The following NLRP4 variants were observed in gnomAD, a reference collection of about 807,000 sequenced individuals.
NLRP4 encodes the protein NACHT, LRR and PYD domains-containing protein 4.
Under a neutral mutation model 84.7 loss-of-function variants are expected in NLRP4, and 44 were observed. That is an observed-to-expected ratio of 0.52 (90% confidence interval 0.41 to 0.67). NLRP4 has a LOEUF of 0.67. NLRP4 is among the 30% of genes least tolerant of loss of function. The pLI is 0.00. For synonymous variants in NLRP4, 544 were observed against 476.4 expected (o/e 1.14, Z -1.85); for missense variants, 1,260 against 1,219.4 (o/e 1.03, Z -0.50).
At chr19:55,877,278 G>A (rs1985410828) in intron 8 of NLRP4, 112 bp downstream of exon 8, 1 of 972,736 alleles carries the variant, frequency 1.0e-6, no homozygotes, top group South Asian at 1.5e-5. Flanking sequence ...AGCTAGCTGT[G>A]GTTGCATCAT....
chr19:55,842,159 A>G (rs1983637303), intron 1 of NLRP4, among the ~76,000 whole-genome samples: 2 of 152,140 alleles, frequency 1.3e-5, no homozygotes, highest in Admixed American at 1.3e-4. Context: ...TCAAATTTGC[A>G]TGTTTAGTCT....
chr19:55,850,738 C>T (rs1253270916), intron 1 of NLRP4, among the ~76,000 whole-genome samples: 2 of 139,820 alleles, frequency 1.4e-5, no homozygotes, highest in South Asian at 2.2e-4. Context: ...TCCGAGGCTG[C>T]GGTGTACTTC....
Position 55,858,435 on chromosome 19 carries a change from T to C in NLRP4, c.1042T>C (p.Cys348Arg). The C allele has an allele frequency of 1.2e-6, 2 of 1,614,142 alleles. No individual in the cohort carries two copies. The highest frequency in any genetic ancestry group is 1.7e-6 in the Non-Finnish European group (2 of 1,180,044). The change falls in exon 3 of 10, where the codon TGT becomes CGT. Residue 348 changes from cysteine to arginine, a missense_variant. This residue lies in a region of NLRP4 where 712 missense variants were observed against 669.2 expected (regional missense o/e 1.06). Transcript: ENST00000301295. This position sits in a 1 kb window ranked among gnomAD's most constrained non-coding sequence, Gnocchi z 4.2. ...CQIPLLCWIL[C>R]TSLKQEMQKG... is the part of the protein sequence containing the mutation. Reference sequence around the variant, plus strand: ...AATCCCGCTCCTCTGCTGGATCCTGTGTACCAGTCTGAAGCAAGAGATGCA... The same window carrying C: ...AATCCCGCTCCTCTGCTGGATCCTGCGTACCAGTCTGAAGCAAGAGATGCA...
At chr19:55,877,945 C>G (rs1985433729) in intron 8 of NLRP4, among the ~76,000 whole-genome samples, 1 of 152,116 alleles carries the variant, frequency 6.6e-6, no homozygotes, top group South Asian at 2.1e-4. Flanking sequence ...GAAATGAGCC[C>G]ATAGCAGCAT....
At chr19:55,860,221 G>T (rs372791048) in intron 3 of NLRP4, among the ~76,000 whole-genome samples, 1 of 152,000 alleles carries the variant, frequency 6.6e-6, no homozygotes, top group African/African-American at 2.4e-5. Flanking sequence ...TCCTGACCTC[G>T]TGATCTGCCC....
At chr19:55,880,153 G>A (rs302455) in intron 9 of NLRP4, among the ~76,000 whole-genome samples, 110,362 of 152,050 alleles carry the variant, frequency 0.73, 40,963 homozygotes, top group African/African-American at 0.85. Flanking sequence ...TAACTCTAAC[G>A]CTAAAGAACA....
intron 9 of NLRP4, among the ~76,000 whole-genome samples, chr19:55,880,799 C>A (rs1181673175): frequency 6.6e-6 from 1 of 152,156 alleles, no homozygotes; most frequent in Non-Finnish European, 1.5e-5. Context: ...ATCCAGACTA[C>A]CACTTTCTGG....
intron 1 of NLRP4, among the ~76,000 whole-genome samples, chr19:55,845,617 G>T (rs1180375896): frequency 6.6e-6 from 1 of 151,864 alleles, no homozygotes; most frequent in South Asian, 2.1e-4. Flanking sequence ...CTTCCACAAT[G>T]GTTGAACTAG....
intron 7 of NLRP4, among the ~76,000 whole-genome samples, chr19:55,873,275 A>G (rs939063556): frequency 6.6e-5 from 10 of 152,162 alleles, no homozygotes; most frequent in African/African-American, 2.4e-4. Context: ...TTGAAGATTT[A>G]ATGGAAAAAA....
In NLRP4 at chr19:55,856,673, G is replaced by A. The variant is rs528320872; in HGVS notation, c.281-1001G>A. ...TGGGACTACAGGCACACACCACCAC[G>A]CCCGGCTAATTTTTGTATTTTTAGT... On this transcript the variant is annotated intron_variant, in intron 2 of 9. Transcript: ENST00000301295. 5.4e-3 allele frequency among the ~76,000 whole-genome samples: 818 copies of A among 151,814 alleles called. 8 individuals are homozygous for A. The highest frequency in any genetic ancestry group is 0.018 in the African/African-American group (738 of 41,394).
rs756404230 is a variant in NLRP4 at position 55,858,801 on chromosome 19, C to T, written c.1408C>T (p.Leu470Phe). 6.2e-7 allele frequency: 1 copy of T among 1,614,166 alleles called. No homozygotes were observed. Residue 470 changes from leucine to phenylalanine, a missense_variant, in exon 3 of 10, where the codon CTT (leucine) becomes TTT (phenylalanine). This residue lies in a region of NLRP4 where 712 missense variants were observed against 669.2 expected (regional missense o/e 1.06). Transcript: ENST00000301295. This position sits in a 1 kb window ranked among gnomAD's most constrained non-coding sequence, Gnocchi z 4.2. The part of the protein sequence containing the change: ...AALFYLLKSH[L>F]DHPHPAVRCV... ...CTTGTTCTATTTGCTCAAGAGCCACCTTGATCATCCTCACCCAGCTGTGAG... is the reference window on the plus strand; with the variant it reads ...CTTGTTCTATTTGCTCAAGAGCCACTTTGATCATCCTCACCCAGCTGTGAG...
intron 9 of NLRP4, among the ~76,000 whole-genome samples, chr19:55,880,915 C>T (rs992990772): frequency 6.6e-6 from 1 of 152,128 alleles, no homozygotes; most frequent in Non-Finnish European, 1.5e-5. Context: ...ATGTAAAAAG[C>T]CTTAGCAGAG....
intron 6 of NLRP4, among the ~76,000 whole-genome samples, chr19:55,870,355 T>C (rs1486230222): frequency 6.6e-6 from 1 of 152,202 alleles, no homozygotes; most frequent in Non-Finnish European, 1.5e-5. Context: ...AATTCTTCTA[T>C]CATGCAACTA....
chr19:55,840,706 G>A lies in NLRP4; in HGVS notation c.-66+3772G>A, dbSNP rs111761766. ...AGCCACAGCACCCGGCTGATCATTC[G>A]TATATTTTAAGGCTGTGTTATTGTT... On this transcript the variant is annotated intron_variant, in intron 1 of 9. Coordinates refer to ENST00000301295, the MANE Select transcript of NLRP4 (RefSeq NM_134444.5). 1.2e-3 allele frequency among the ~76,000 whole-genome samples: 179 copies of A among 152,068 alleles called. 1 individual carries two copies. The highest frequency in any genetic ancestry group is 4.0e-3 in the African/African-American group (166 of 41,484).
In NLRP4 at chr19:55,870,983, C is replaced by T; in HGVS notation, c.2511C>T (p.Cys837=). 6.2e-7 allele frequency: 1 copy of T among 1,614,066 alleles called. No individual in the cohort carries two copies. Among genetic ancestry groups the T allele is most frequent in the Non-Finnish European group, 8.5e-7 (1 of 1,179,910 alleles). ...AGGCCTTGAAACATCCGGACTGCTG[C>T]CTGGATTCACTGTGGTAGGCTTTTT... ...LCEALKHPDC[C]LDSLCLVKCF... is the part of the protein sequence containing the mutation. The change falls in exon 7 of 10, where the codon TGC becomes TGT. Residue 837 remains cysteine (C), a synonymous_variant. Coordinates refer to ENST00000301295, the MANE Select transcript of NLRP4 (RefSeq NM_134444.5).
chr19:55,852,953 G>T (rs148256051), intron 2 of NLRP4, among the ~76,000 whole-genome samples: 1 of 152,178 alleles, frequency 6.6e-6, no homozygotes. Context: ...AGGTGAAGTC[G>T]TTGCATAAGA....
intron 1 of NLRP4, among the ~76,000 whole-genome samples, chr19:55,850,672 T>TGCGGTGTACTTCCCGA (rs1984065074): frequency 1.6e-5 from 1 of 60,630 alleles, no homozygotes; most frequent in South Asian, 6.7e-4. Context: ...GTAATGTCCG[T>TGCGGTGTACTTCCCGA]GGCTGCGGTG....
At position 55,878,938 on chromosome 19, in the gene NLRP4, C is replaced by T. The variant is rs746154448; in HGVS notation, c.2841C>T (p.His947=). ...TTGTACTCTGTGAGGCCCTGAGACA[C>T]CCAGAGTGTGCCCTGCAGGTGCTCG... is the stretch of plus-strand genomic sequence containing the variant. ...GVVVLCEALR[H]PECALQVLGL... The change falls in exon 9 of 10, where the codon CAC becomes CAT. Residue 947 remains histidine (H), a synonymous_variant. Transcript: ENST00000301295. The T allele has an allele frequency of 6.2e-7, 1 of 1,613,600 alleles. No individual in the cohort carries two copies. Among genetic ancestry groups the T allele is most frequent in the Non-Finnish European group, 8.5e-7 (1 of 1,179,640 alleles).
At chr19:55,837,671 G>C (rs1211952787) in intron 1 of NLRP4, among the ~76,000 whole-genome samples, 2 of 151,914 alleles carry the variant, frequency 1.3e-5, no homozygotes, top group African/African-American at 2.4e-5. Context: ...TGTTGCAGAT[G>C]TAATTAGTTA....
Sources: allele counts gnomAD v4.1 joint callset (sites outside exome capture counted in the v4.1 genomes callset), GRCh38; gene constraint gnomAD v4.1.1; regional missense constraint gnomAD v4.1.1; non-coding constraint Gnocchi (gnomAD v3.1); transcripts MANE v1.5; gene names NCBI Gene and HGNC (gene_info 2026-07-23, HGNC 2026-07-21).